The following CCSER2 variants were observed in gnomAD, a reference collection of about 807,000 sequenced individuals.
CCSER2 encodes the protein serine-rich coiled-coil domain-containing protein 2.
Under a neutral mutation model 92.3 loss-of-function variants are expected in CCSER2, and 46 were observed. The observed-to-expected ratio is 0.50, with a 90% CI of 0.39 to 0.64. The LOEUF (loss-of-function observed/expected upper bound fraction) is 0.64. CCSER2 is among the 30% of genes least tolerant of loss of function. CCSER2 has a pLI of 0.00. For synonymous variants in CCSER2, 433 were observed against 431.4 expected (o/e 1.00, Z -0.04); for missense variants, 1,244 against 1,238.9 (o/e 1.00, Z -0.06).
Position 84,365,648 on chromosome 10 carries a change from G to C in CCSER2, c.-39-5366G>C, listed in dbSNP as rs527776207. Among the ~76,000 whole-genome samples the C allele has an allele frequency of 1.3e-5, 2 of 152,284 alleles. 1 individual carries two copies. The highest frequency in any genetic ancestry group is 4.1e-4 in the South Asian group (2 of 4,830). On this transcript the variant is annotated intron_variant, in intron 1 of 9. Coordinates refer to ENST00000372088, the MANE Select transcript of CCSER2 (RefSeq NM_001284240.2). ...GAACCACAAACACCAGTAACAGTGT[G>C]TCTCTCTTGTGGGCTCATCTTGTGC...
At chr10:84,402,020 T>C (rs985756095) in intron 3 of CCSER2, among the ~76,000 whole-genome samples, 6 of 152,240 alleles carry the variant, frequency 3.9e-5, no homozygotes, top group Non-Finnish European at 8.8e-5. Flanking sequence ...GAACTTAAAG[T>C]GACCACACCC....
intron 9 of CCSER2, among the ~76,000 whole-genome samples, chr10:84,488,516 G>A (rs1847946628): frequency 6.6e-6 from 1 of 152,146 alleles, no homozygotes; most frequent in Admixed American, 6.6e-5. Flanking sequence ...AGATTTTCTA[G>A]TTTATTTGCA....
intron 1 of CCSER2, among the ~76,000 whole-genome samples, chr10:84,358,006 T>G (rs1263011824): frequency 6.6e-6 from 1 of 152,162 alleles, no homozygotes; most frequent in Non-Finnish European, 1.5e-5. Flanking sequence ...TCCTTTCCCA[T>G]TAGGTGGAAT....
At chr10:84,335,113 C>G (rs1392680614) in intron 1 of CCSER2, among the ~76,000 whole-genome samples, 1 of 151,862 alleles carries the variant, frequency 6.6e-6, no homozygotes, top group Non-Finnish European at 1.5e-5. Context: ...ATGGGCATCT[C>G]AGGGTTTTGG....
At chr10:84,474,906 A>G (rs1230366177) in intron 8 of CCSER2, among the ~76,000 whole-genome samples, 2 of 152,218 alleles carry the variant, frequency 1.3e-5, no homozygotes, top group African/African-American at 4.8e-5. Context: ...TAAACTCAAC[A>G]AGAAATTATG....
rs61866507 is a variant in CCSER2, at chr10:84,483,679, G to A, written c.2325+6015G>A. On this transcript the variant is annotated intron_variant, in intron 9 of 9. Transcript: ENST00000372088. Reference sequence around the variant, plus strand: ...AGTGCAGGCAAACGATTTATCTTATGAATAATCTCCCCCAAATCCATTTTC... The same window carrying A: ...AGTGCAGGCAAACGATTTATCTTATAAATAATCTCCCCCAAATCCATTTTC... Among the ~76,000 whole-genome samples, 175 of 151,710 alleles carry A rather than the reference G, an allele frequency of 1.2e-3. 1 individual carries two copies. The highest frequency in any genetic ancestry group is 2.0e-3 in the Non-Finnish European group (139 of 67,918).
rs945384601 is a variant in CCSER2, at chr10:84,513,969, A to G, written c.2846A>G (p.Lys949Arg). ...SSPSRTPTCKKSPIITTCNSA... is the reference protein window; with the variant it reads ...SSPSRTPTCKRSPIITTCNSA... ...CCAAGTAGGACTCCCACTTGTAAAA[A>G]GTCACCAATAATCACAACATGTAAT... The change falls in exon 10 of 10, where the codon AAG becomes AGG. Residue 949 changes from lysine (K) to arginine (R), a missense_variant. Coordinates refer to ENST00000372088, the MANE Select transcript of CCSER2 (RefSeq NM_001284240.2). The G allele has an allele frequency of 6.5e-7, 1 of 1,536,598 alleles. No homozygotes were observed. Among genetic ancestry groups the G allele is most frequent in the African/African-American group, 1.4e-5 (1 of 73,036 alleles).
At chr10:84,428,845 T>C (rs575948141) in intron 5 of CCSER2, among the ~76,000 whole-genome samples, 1 of 152,192 alleles carries the variant, frequency 6.6e-6, no homozygotes, top group South Asian at 2.1e-4. Flanking sequence ...ACTTTTTCTG[T>C]GTCTATGGAG....
chr10:84,392,631 T>C (rs1841590919), intron 3 of CCSER2, among the ~76,000 whole-genome samples: 2 of 151,946 alleles, frequency 1.3e-5, no homozygotes, highest in African/African-American at 4.8e-5. Context: ...TGCCTTCCCA[T>C]AGTAGAAGCA....
intron 1 of CCSER2, among the ~76,000 whole-genome samples, chr10:84,329,068 G>A (rs1037045879): frequency 6.6e-6 from 1 of 152,032 alleles, no homozygotes; most frequent in African/African-American, 2.4e-5. Flanking sequence ...GGCCGCGGGC[G>A]CCGCCGCCTT....
intron 6 of CCSER2, chr10:84,456,190 T>C (rs565274786): frequency 8.6e-4 from 204 of 237,016 alleles, no homozygotes; most frequent in African/African-American, 4.5e-3. Context: ...TGAGCTTTAA[T>C]TGACAATTGT....
intron 5 of CCSER2, among the ~76,000 whole-genome samples, chr10:84,432,446 A>G (rs1262064996): frequency 1.3e-5 from 2 of 152,070 alleles, no homozygotes; most frequent in East Asian, 3.9e-4. Flanking sequence ...CTGTGTTACC[A>G]TTGTTATGTC....
At chr10:84,340,590 T>C (rs1030911537) in intron 1 of CCSER2, among the ~76,000 whole-genome samples, 3 of 152,096 alleles carry the variant, frequency 2.0e-5, no homozygotes, top group African/African-American at 7.2e-5. Context: ...TTATTTTCTA[T>C]CCCATATCTC....
intron 6 of CCSER2, among the ~76,000 whole-genome samples, chr10:84,457,341 A>AATATATTTATATATAATATATAATATAT (rs1845769309): frequency 1.6e-5 from 1 of 60,764 alleles, no homozygotes; most frequent in Non-Finnish European, 3.1e-5. Flanking sequence ...TATATTATAT[A>AATATATTTATATATAATATATAATATAT]TTATATATAA....
At chr10:84,389,379 G>GT in intron 3 of CCSER2, 2 of 513,492 alleles carry the variant, frequency 3.9e-6, no homozygotes. Flanking sequence ...ATATTTTCCT[G>GT]TTTCTTTCTG....
chr10:84,338,882 G>C (rs1017286536), intron 1 of CCSER2, among the ~76,000 whole-genome samples: 1 of 152,016 alleles, frequency 6.6e-6, no homozygotes, highest in African/African-American at 2.4e-5. Flanking sequence ...TCTTTTCGTG[G>C]TTCATTTATG....
intron 1 of CCSER2, among the ~76,000 whole-genome samples, chr10:84,349,540 G>T (rs553537519): frequency 1.2e-4 from 19 of 152,174 alleles, no homozygotes; most frequent in African/African-American, 4.6e-4. Flanking sequence ...AAGTTAGCTG[G>T]GTGTGGTGGC....
chr10:84,500,489 C>T (rs974589653), intron 9 of CCSER2, among the ~76,000 whole-genome samples: 1 of 152,118 alleles, frequency 6.6e-6, no homozygotes, highest in Non-Finnish European at 1.5e-5. Flanking sequence ...TTTAAAACAA[C>T]TAAGATGTTT....
chr10:84,427,662 CTCTG>C (rs997072815), intron 5 of CCSER2, among the ~76,000 whole-genome samples: 2 of 152,278 alleles, frequency 1.3e-5, no homozygotes, highest in South Asian at 2.1e-4. Context: ...CGTAATACTG[CTCTG>C]TCTTTTTACC....
Sources: gnomAD v4.1 joint callset for allele counts (sites outside exome capture counted in the v4.1 genomes callset) on GRCh38, gnomAD v4.1.1 for gene constraint, MANE v1.5 for transcripts, NCBI Gene and HGNC (gene_info 2026-07-23, HGNC 2026-07-21) for gene names.